The following AMACR variants were observed in gnomAD, a reference collection of about 807,000 sequenced individuals.
AMACR encodes 2-methylacyl-CoA racemase.
AMACR carries 18 observed loss-of-function variants against 22.2 expected under a neutral mutation model. The observed-to-expected ratio is 0.81, with a 90% confidence interval of 0.56 to 1.20. The LOEUF is 1.20. AMACR is among the 50% of genes most tolerant of loss of function. AMACR has a pLI of 0.00. For synonymous variants in AMACR, 213 were observed against 191.3 expected (o/e 1.11, Z -0.94); for missense variants, 499 against 490.6 (o/e 1.02, Z -0.16).
intron 4 of AMACR, among the ~76,000 whole-genome samples, chr5:33,989,954 T>C (rs1457369278): frequency 1.3e-5 from 2 of 152,216 alleles, no homozygotes; most frequent in African/African-American, 4.8e-5. Context: ...AGACAAATTA[T>C]TTAATTCAGG....
intron 4 of AMACR, chr5:33,993,885 A>G (rs1753558831): frequency 2.9e-6 from 1 of 343,928 alleles, no homozygotes; most frequent in African/African-American, 2.1e-5. Flanking sequence ...GGTGACAGAG[A>G]TCACCCAGCT....
chr5:33,998,257 A>G (rs916217456), intron 4 of AMACR, among the ~76,000 whole-genome samples: 2 of 152,206 alleles, frequency 1.3e-5, no homozygotes, highest in African/African-American at 4.8e-5. Flanking sequence ...GAAGTGCCAT[A>G]AGGGACATCT....
Position 33,992,292 on chromosome 5 carries a change from T to A in AMACR, c.740-2790A>T, listed in dbSNP as rs190175887. On this transcript the variant is annotated intron_variant, in intron 4 of 4. Coordinates refer to ENST00000335606, the MANE Select transcript of AMACR (RefSeq NM_014324.6). ...TCAAAAATATGATATGGCTGCTATATCAAATGGGTGAGGGTGAAGATCTTT... is the reference window on the plus strand; with the variant it reads ...TCAAAAATATGATATGGCTGCTATAACAAATGGGTGAGGGTGAAGATCTTT... Among the ~76,000 whole-genome samples the A allele has an allele frequency of 9.2e-5, 14 of 152,054 alleles. No individual in the cohort carries two copies. The East Asian group carries it at 2.7e-3, about 29-fold the overall frequency.
In AMACR at chr5:33,989,514, T is replaced by C; in HGVS notation, c.740-12A>G. The stretch of plus-strand genomic sequence containing the variant: ...CTTTAGTCCAAGTCCTGAGGAAAAA[T>C]ACAATTTCCTAAATTATTATGCTTT... On this transcript the variant is annotated splice_polypyrimidine_tract_variant and intron_variant, in intron 4 of 4. Coordinates refer to ENST00000335606, the MANE Select transcript of AMACR (RefSeq NM_014324.6). 1 of 1,596,816 alleles carries C rather than the reference T, an allele frequency of 6.3e-7. No homozygotes were observed. The highest frequency in any genetic ancestry group is 1.1e-5 in the South Asian group (1 of 90,714).
At position 33,988,201 on chromosome 5, in the gene AMACR, T is replaced by G; in HGVS notation, c.*892A>C. The G allele has an allele frequency of 9.5e-7, 1 of 1,051,106 alleles. No homozygotes were observed. The allele number at this position is 1,051,106 out of a possible 1,614,324, so 65.1% of individuals were successfully genotyped here. ...AAGCTCCAGGAGCAGGCTGGTTTTATGTAAAGACAATCCCGTCTTCTTTGT... is the reference window on the plus strand; with the variant it reads ...AAGCTCCAGGAGCAGGCTGGTTTTAGGTAAAGACAATCCCGTCTTCTTTGT... On this transcript the variant is annotated 3_prime_UTR_variant, in exon 5 of 5. Transcript: ENST00000335606.
chr5:34,007,754 C>T lies in AMACR; in HGVS notation c.247+19G>A, dbSNP rs1425113575. ...TCCGCGGGAACTTCCCGAGAGCAGC[C>T]CGCGGGGCCCGGGCTCACCGCGGCG... On this transcript the variant is annotated intron_variant, in intron 1 of 4. Coordinates refer to ENST00000335606, the MANE Select transcript of AMACR (RefSeq NM_014324.6). The T allele has an allele frequency of 1.3e-6, 2 of 1,536,702 alleles. No individual in the cohort carries two copies. Among genetic ancestry groups the T allele is most frequent in the African/African-American group, 1.4e-5 (1 of 73,180 alleles).
intron 3 of AMACR, among the ~76,000 whole-genome samples, chr5:34,000,823 C>T (rs183188204): frequency 3.3e-5 from 5 of 152,286 alleles, no homozygotes; most frequent in Admixed American, 2.6e-4. Context: ...AGAACAGCTT[C>T]GTTGGTCTGA....
At chr5:34,006,434 T>C (rs996676772) in intron 1 of AMACR, among the ~76,000 whole-genome samples, 2 of 152,178 alleles carry the variant, frequency 1.3e-5, no homozygotes, top group African/African-American at 2.4e-5. Flanking sequence ...TATCAACAAG[T>C]ATAGTATTTA....
chr5:34,003,991 T>G (rs1490284004), intron 3 of AMACR, among the ~76,000 whole-genome samples: 1 of 152,168 alleles, frequency 6.6e-6, no homozygotes, highest in Non-Finnish European at 1.5e-5. Flanking sequence ...CCAAATGCAG[T>G]TTTGAGAATA....
In AMACR at chr5:33,992,135, T is replaced by C. The variant is rs7703238; in HGVS notation, c.740-2633A>G. ...CCCTCGTGATCCGCCCGCCTCGGCC[T>C]CCCAAAGTGCTGGGATTACAGGTGT... On this transcript the variant is annotated intron_variant, in intron 4 of 4. Transcript: ENST00000335606. Among the ~76,000 whole-genome samples, 217 of 152,144 alleles carry C rather than the reference T, an allele frequency of 1.4e-3. 6 individuals are homozygous for C. In the South Asian group the frequency reaches 0.044, roughly 31 times the overall value.
chr5:34,007,730 C>T, intron 1 of AMACR, 43 bp downstream of exon 1: 14 of 1,514,846 alleles, frequency 9.2e-6, no homozygotes, highest in African/African-American at 1.4e-5. Flanking sequence ...CCCCTCCCCT[C>T]CGCGGGAACT....
intron 4 of AMACR, among the ~76,000 whole-genome samples, chr5:33,994,279 A>C (rs1269438109): frequency 1.3e-5 from 2 of 152,116 alleles, no homozygotes; most frequent in Admixed American, 1.3e-4. Flanking sequence ...TCCCGGTTCA[A>C]GTGATTCTCG....
Position 34,004,667 on chromosome 5 carries a change from A to C in AMACR, c.459T>G (p.Phe153Leu), listed in dbSNP as rs144785688. 1.9e-6 allele frequency: 3 copies of C among 1,614,232 alleles called. No homozygotes were observed. Among genetic ancestry groups the C allele is most frequent in the Non-Finnish European group, 2.5e-6 (3 of 1,180,052 alleles). ...GTGCACACATAAGGCCACCACCAGC[A>C]AAGTCAGCCAGGAGATTCAGCGGGG... ...PYAPLNLLAD[F>L]AGGGLMCALG... Residue 153 changes from phenylalanine (F) to leucine (L), a missense_variant, in exon 3 of 5, where the codon TTT becomes TTG. Transcript: ENST00000335606.
In AMACR at chr5:33,989,248, A is replaced by ACAGCAGAGGTGCAGGGCGGGGG. The variant is rs1327255166; in HGVS notation, c.972_993dup (p.Leu332ProfsTer27). The ACAGCAGAGGTGCAGGGCGGGGG allele has an allele frequency of 6.2e-7, 1 of 1,614,100 alleles. No individual in the cohort carries two copies. Among genetic ancestry groups the ACAGCAGAGGTGCAGGGCGGGGG allele is most frequent in the East Asian group, 2.2e-5 (1 of 44,872 alleles). The stretch of plus-strand genomic sequence containing the variant: ...AAAGAAGGGATGGCTGGGGTGTTTA[A>ACAGCAGAGGTGCAGGGCGGGGG]CAGCAGAGGTGCAGGGCGGGGGCTC... On this transcript the variant is annotated frameshift_variant, in exon 5 of 5. Transcript: ENST00000335606. LOFTEE classifies it low-confidence loss of function (END_TRUNC).
chr5:33,998,571 T>A, intron 4 of AMACR, 70 bp downstream of exon 4: 1 of 1,486,246 alleles, frequency 6.7e-7, no homozygotes. Flanking sequence ...ATGCCAAAAG[T>A]CTTTAAAATA....
chr5:33,990,010 TA>T, intron 4 of AMACR, among the ~76,000 whole-genome samples: 1 of 152,250 alleles, frequency 6.6e-6, no homozygotes, highest in East Asian at 1.9e-4. Context: ...TTTGTTAAAA[TA>T]AAAGAGCTGG....
chr5:34,007,756 GC>G lies in AMACR; in HGVS notation c.247+16del. ...CGCGGGAACTTCCCGAGAGCAGCCC[GC>G]GGGGCCCGGGCTCACCGCGGCGGAA... On this transcript the variant is annotated intron_variant, in intron 1 of 4. Coordinates refer to ENST00000335606, the MANE Select transcript of AMACR (RefSeq NM_014324.6). 6.5e-7 allele frequency: 1 copy of G among 1,537,538 alleles called. No individual in the cohort carries two copies. Among genetic ancestry groups the G allele is most frequent in the Non-Finnish European group, 8.7e-7 (1 of 1,148,006 alleles).
At chr5:33,995,807 C>CT (rs1465911833) in intron 4 of AMACR, among the ~76,000 whole-genome samples, 3 of 152,206 alleles carry the variant, frequency 2.0e-5, no homozygotes. Context: ...TCAGAATTAA[C>CT]TTTTTCATAA....
At chr5:33,992,233 G>C (rs1477402796) in intron 4 of AMACR, among the ~76,000 whole-genome samples, 1 of 151,972 alleles carries the variant, frequency 6.6e-6, no homozygotes, top group African/African-American at 2.4e-5. Context: ...AACTTGCATA[G>C]GGAATTGGTT....
Sources: allele counts gnomAD v4.1 joint callset (sites outside exome capture counted in the v4.1 genomes callset), GRCh38; gene constraint gnomAD v4.1.1; transcripts MANE v1.5; gene names NCBI Gene and HGNC (gene_info 2026-07-23, HGNC 2026-07-21).